Variants in TENM3 observed in about 807,000 individuals in gnomAD.
The protein encoded by TENM3 is teneurin transmembrane protein 3, also known as teneurin-3.
Under a neutral mutation model 255.1 loss-of-function variants are expected in TENM3, and 63 were observed. The observed-to-expected ratio is 0.25, with a 90% CI of 0.20 to 0.30. The LOEUF (loss-of-function observed/expected upper bound fraction) is 0.30, where lower values mean the gene tolerates loss of function less well. Among genes scored for constraint, TENM3 ranks in the 10% least tolerant of loss-of-function variants. The pLI is 1.00. For missense variants in TENM3, 2,929 were observed against 3,461.1 expected, an observed-to-expected ratio of 0.85 and a Z score of 3.86; for synonymous variants, 1,306 against 1,322.3, an observed-to-expected ratio of 0.99 and a Z score of 0.27.
At chr4:182,425,294 C>T (rs1389771372) in intron 3 of TENM3, among the ~76,000 whole-genome samples, 1 of 152,096 alleles carries the variant, frequency 6.6e-6, no homozygotes, top group Non-Finnish European at 1.5e-5. Flanking sequence ...AAACAACAAC[C>T]CAAATTGTTC....
chr4:182,622,033 G>A (rs1037960024), intron 4 of TENM3, among the ~76,000 whole-genome samples: 24 of 151,324 alleles, frequency 1.6e-4, no homozygotes, highest in Admixed American at 9.3e-4. Flanking sequence ...TTTGTTTTGA[G>A]CAATATCTCA....
chr4:182,071,985 T>G, the TENM3 span, among the ~76,000 whole-genome samples: 1 of 152,180 alleles, frequency 6.6e-6, no homozygotes, highest in Non-Finnish European at 1.5e-5. Context: ...TTTGAGCCTA[T>G]GCCAACACAT....
chr4:182,441,046 G>C (rs537323253), intron 3 of TENM3, among the ~76,000 whole-genome samples: 10 of 152,118 alleles, frequency 6.6e-5, no homozygotes, highest in Non-Finnish European at 1.5e-4. Flanking sequence ...GAATGGCTAT[G>C]GCACGGAAGG....
chr4:182,756,949 G>A (rs1198244033), intron 22 of TENM3, among the ~76,000 whole-genome samples: 4 of 152,076 alleles, frequency 2.6e-5, no homozygotes, highest in African/African-American at 7.2e-5. Flanking sequence ...GATTGCCAAC[G>A]AAGCAAAAAA....
rs1022966144 is a variant in TENM3, at chr4:182,802,727, C to CT, written c.*2380dup. ...TAAAAAGACTTGTGATCTGGACATG[C>CT]TTTTACAAGAAATAGTGACCTTGGG... On this transcript the variant is annotated 3_prime_UTR_variant, in exon 28 of 28. Coordinates refer to ENST00000511685, the MANE Select transcript of TENM3 (RefSeq NM_001080477.4). 7.5e-6 allele frequency: 1 copy of CT among 132,714 alleles called. No homozygotes were observed. Among genetic ancestry groups the CT allele is most frequent in the Non-Finnish European group, 1.5e-5 (1 of 65,354 alleles). 8.2% of individuals were successfully genotyped at this position (132,714 alleles called of 1,614,324 possible).
At chr4:181,891,244 T>C in the TENM3 span, among the ~76,000 whole-genome samples, 33 of 152,092 alleles carry the variant, frequency 2.2e-4, no homozygotes, top group Non-Finnish European at 4.4e-4. Context: ...AACTAAGGAG[T>C]TGGCTACTTG....
chr4:182,754,452 A>T lies in TENM3; in HGVS notation c.4085A>T (p.Asn1362Ile), dbSNP rs748583106. The T allele has an allele frequency of 6.2e-7, 1 of 1,611,962 alleles. No homozygotes were observed. Among genetic ancestry groups the T allele is most frequent in the South Asian group, 1.1e-5 (1 of 90,458 alleles). Residue 1362 changes from asparagine (N) to isoleucine (I), a missense_variant, in exon 22 of 28, where the codon AAT (asparagine) becomes ATT (isoleucine). By Grantham distance (149) the Asn-to-Ile change is moderately radical (BLOSUM62 -3). Transcript: ENST00000511685. This position sits in a 1 kb window ranked among gnomAD's most constrained non-coding sequence, Gnocchi z 5.1. ...GATAACTCCATTTATGTCCTGGATAATAATGTAGTTTTACAGATCACTGAA... is the reference window on the plus strand; with the variant it reads ...GATAACTCCATTTATGTCCTGGATATTAATGTAGTTTTACAGATCACTGAA... ...PMDNSIYVLD[N>I]NVVLQITENR...
At chr4:182,080,469 G>A in the TENM3 span, among the ~76,000 whole-genome samples, 25 of 152,072 alleles carry the variant, frequency 1.6e-4, no homozygotes, top group African/African-American at 5.8e-4. Flanking sequence ...TAAAAGTAGT[G>A]ACCTCTAGGT....
At chr4:181,945,288 C>T in the TENM3 span, among the ~76,000 whole-genome samples, 1 of 151,968 alleles carries the variant, frequency 6.6e-6, no homozygotes, top group Non-Finnish European at 1.5e-5. Flanking sequence ...GTAAAACTGC[C>T]TGAGAATCAT....
At chr4:181,766,432 C>T in the TENM3 span, among the ~76,000 whole-genome samples, 2 of 151,994 alleles carry the variant, frequency 1.3e-5, no homozygotes, top group South Asian at 4.2e-4. Context: ...AAAAAATTAC[C>T]CCCAGAAAGA....
chr4:181,793,877 C>G, the TENM3 span, among the ~76,000 whole-genome samples: 1 of 152,218 alleles, frequency 6.6e-6, no homozygotes, highest in South Asian at 2.1e-4. Context: ...GTTTTCAGTT[C>G]ATTTGTTTTA....
chr4:181,580,495 AAAT>A, the TENM3 span, among the ~76,000 whole-genome samples: 22 of 152,278 alleles, frequency 1.4e-4, no homozygotes, highest in Middle Eastern at 3.4e-3. Flanking sequence ...TGATGGCTGT[AAAT>A]AATAAGTGAT....
chr4:182,611,433 A>T (rs182351564), intron 4 of TENM3, among the ~76,000 whole-genome samples: 2 of 151,706 alleles, frequency 1.3e-5, no homozygotes, highest in South Asian at 2.1e-4. Context: ...AACTTTATGT[A>T]TTAAATACTA....
the TENM3 span, among the ~76,000 whole-genome samples, chr4:181,677,507 C>T: frequency 2.0e-5 from 3 of 152,084 alleles, no homozygotes; most frequent in African/African-American, 7.2e-5. Context: ...CACTTATCAC[C>T]ATGTCCAATG....
the TENM3 span, chr4:182,084,760 C>T: frequency 6.6e-6 from 1 of 152,102 alleles, no homozygotes; most frequent in Non-Finnish European, 1.5e-5. Context: ...TTGACCATGA[C>T]ATCTTAGAAA....
the TENM3 span, among the ~76,000 whole-genome samples, chr4:181,544,192 A>G: frequency 2.0e-5 from 3 of 152,058 alleles, no homozygotes; most frequent in Non-Finnish European, 4.4e-5. Context: ...TCTTAACATC[A>G]TATCAAGGTA....
intron 3 of TENM3, among the ~76,000 whole-genome samples, chr4:182,537,292 A>G (rs1399274): frequency 0.046 from 6,972 of 152,062 alleles, 254 homozygotes; most frequent in East Asian, 0.11. Flanking sequence ...TCATTTCATC[A>G]TGAACTACAG....
intron 6 of TENM3, among the ~76,000 whole-genome samples, chr4:182,671,756 C>G (rs745883171): frequency 2.0e-5 from 3 of 152,186 alleles, no homozygotes; most frequent in African/African-American, 7.2e-5. Context: ...TAGTTAGAAG[C>G]CTGTCTCCCT....
the TENM3 span, among the ~76,000 whole-genome samples, chr4:181,932,602 G>A: frequency 6.6e-6 from 1 of 152,224 alleles, no homozygotes; most frequent in Non-Finnish European, 1.5e-5. Context: ...GGAAGACAGT[G>A]TGGCGATTCC....
Sources: allele counts gnomAD v4.1 joint callset (sites outside exome capture counted in the v4.1 genomes callset), GRCh38; gene constraint gnomAD v4.1.1; non-coding constraint Gnocchi (gnomAD v3.1); transcripts MANE v1.5; gene names NCBI Gene and HGNC (gene_info 2026-07-23, HGNC 2026-07-21).